TNFRSF19: variants seen among roughly 807,000 people sequenced by gnomAD.
TNFRSF19 encodes the protein TNF receptor superfamily member 19.
TNFRSF19 carries 27 observed loss-of-function variants against 46.4 expected under a neutral mutation model. That is an observed-to-expected ratio of 0.58 (90% CI 0.43 to 0.80). TNFRSF19 has a LOEUF of 0.80. Among genes scored for constraint, TNFRSF19 ranks in the 30% least tolerant of loss-of-function variants. The pLI is 0.00. For synonymous variants in TNFRSF19, 204 were observed against 205.0 expected, an observed-to-expected ratio of 1.00 and a Z score of 0.04; for missense variants, 511 against 530.8, an observed-to-expected ratio of 0.96 and a Z score of 0.37.
At chr13:23,651,323 G>A (rs1477872163) in intron 5 of TNFRSF19, among the ~76,000 whole-genome samples, 1 of 152,090 alleles carries the variant, frequency 6.6e-6, no homozygotes, top group African/African-American at 2.4e-5. Context: ...TCTCATTTTT[G>A]TGCTTATATT....
chr13:23,595,633 A>G (rs1224015217), intron 3 of TNFRSF19, among the ~76,000 whole-genome samples: 2 of 152,238 alleles, frequency 1.3e-5, no homozygotes, highest in East Asian at 3.8e-4. Flanking sequence ...CCTACATTTT[A>G]TTGGTGTCCC....
chr13:23,627,107 A>T (rs1244062562), intron 5 of TNFRSF19, among the ~76,000 whole-genome samples: 1 of 152,104 alleles, frequency 6.6e-6, no homozygotes, highest in Non-Finnish European at 1.5e-5. Context: ...GGCGGCTCAC[A>T]TCCTCACTCT....
intron 5 of TNFRSF19, among the ~76,000 whole-genome samples, chr13:23,635,153 C>T (rs962170803): frequency 1.3e-5 from 2 of 152,000 alleles, no homozygotes; most frequent in South Asian, 4.1e-4. Context: ...AATACTGCCT[C>T]TCCAGGTGAA....
intron 4 of TNFRSF19, among the ~76,000 whole-genome samples, chr13:23,625,498 T>C (rs998861261): frequency 2.8e-4 from 42 of 151,986 alleles, no homozygotes; most frequent in Non-Finnish European, 4.7e-4. Flanking sequence ...CCAGCTATTT[T>C]TTTGTATTTT....
intron 4 of TNFRSF19, among the ~76,000 whole-genome samples, chr13:23,621,165 C>A (rs1019172303): frequency 1.3e-5 from 2 of 152,190 alleles, no homozygotes; most frequent in Admixed American, 1.3e-4. Context: ...CTACCCTCAG[C>A]AGACCCCTTG....
In TNFRSF19 at chr13:23,669,030, C is replaced by G; in HGVS notation, c.1178C>G (p.Thr393Ser). The change falls in exon 9 of 10, where the codon ACT (threonine) becomes AGT (serine). Residue 393 changes from threonine (T) to serine (S), a missense_variant. Thr to Ser is a moderately conservative substitution (Grantham distance 58). Transcript: ENST00000248484. ...VESASTQDAL[T>S]MRSQLDQESG... The stretch of plus-strand genomic sequence containing the variant: ...TCAGCATCAACTCAGGATGCACTAA[C>G]TATGAGAAGCCAGCTAGATCAGGAG... 6.2e-7 allele frequency: 1 copy of G among 1,614,220 alleles called. No homozygotes were observed. Among genetic ancestry groups the G allele is most frequent in the Non-Finnish European group, 8.5e-7 (1 of 1,180,046 alleles).
At chr13:23,626,638 G>A in intron 4 of TNFRSF19, 69 bp from the exon 5 acceptor site, 1 of 1,473,712 alleles carries the variant, frequency 6.8e-7, no homozygotes, top group East Asian at 2.3e-5. Flanking sequence ...GAGACTGCTG[G>A]TAATTTATGA....
intron 8 of TNFRSF19, 92 bp downstream of exon 8, chr13:23,668,174 C>T (rs1246628568): frequency 2.4e-5 from 27 of 1,118,156 alleles, no homozygotes; most frequent in Non-Finnish European, 3.4e-5. Flanking sequence ...ATGATGGAAA[C>T]ATCACCTCTT....
In TNFRSF19 at chr13:23,659,289, A is replaced by C; in HGVS notation, c.610+75A>C. 1 of 1,493,476 alleles carries C rather than the reference A, an allele frequency of 6.7e-7. No homozygotes were observed. The highest frequency in any genetic ancestry group is 9.1e-7 in the Non-Finnish European group (1 of 1,103,664). 92.5% of individuals were successfully genotyped at this position (1,493,476 alleles called of 1,614,324 possible). ...ATTACTATTGTCGTGCAAGTGTTCC[A>C]CAAGAGACTTGGCTGAGACAAGCAC... On this transcript the variant is annotated intron_variant, in intron 6 of 9. Coordinates refer to ENST00000248484, the MANE Select transcript of TNFRSF19 (RefSeq NM_148957.4). The surrounding 1 kb of genome is among the most constrained non-coding windows in gnomAD (Gnocchi z 4.9).
At chr13:23,574,151 C>T (rs1877807948) in intron 1 of TNFRSF19, among the ~76,000 whole-genome samples, 1 of 126,910 alleles carries the variant, frequency 7.9e-6, no homozygotes, top group Admixed American at 7.5e-5. Context: ...AAATACAGGA[C>T]TCTCATGGCC....
At chr13:23,594,706 C>G (rs1879579485) in intron 3 of TNFRSF19, among the ~76,000 whole-genome samples, 1 of 152,222 alleles carries the variant, frequency 6.6e-6, no homozygotes, top group South Asian at 2.1e-4. Flanking sequence ...CTTAAACGTT[C>G]CTGCCTGCCA....
intron 3 of TNFRSF19, among the ~76,000 whole-genome samples, chr13:23,594,813 G>A (rs181962256): frequency 7.2e-5 from 11 of 152,306 alleles, no homozygotes; most frequent in Admixed American, 5.9e-4. Flanking sequence ...CCAGCCTCCC[G>A]ATTGGGAGAC....
chr13:23,656,317 A>G (rs1030243252), intron 5 of TNFRSF19, among the ~76,000 whole-genome samples: 4 of 152,212 alleles, frequency 2.6e-5, no homozygotes, highest in African/African-American at 9.7e-5. Flanking sequence ...TAGAGAACAT[A>G]AATCCTGAGT....
chr13:23,596,340 A>G (rs772465490), intron 3 of TNFRSF19, among the ~76,000 whole-genome samples: 1 of 152,220 alleles, frequency 6.6e-6, no homozygotes, highest in East Asian at 1.9e-4. Context: ...AGTGTGCAGT[A>G]TTCAGGAGAT....
intron 5 of TNFRSF19, among the ~76,000 whole-genome samples, chr13:23,639,112 G>C (rs957082560): frequency 6.6e-6 from 1 of 152,104 alleles, no homozygotes; most frequent in African/African-American, 2.4e-5. Context: ...AAATTTTAAG[G>C]CCAGGTGTGG....
At chr13:23,585,402 G>T (rs1355597017) in intron 1 of TNFRSF19, 2 of 152,038 alleles carry the variant, frequency 1.3e-5, no homozygotes, top group African/African-American at 2.4e-5. Context: ...TCTCAGAAAG[G>T]TTACTGATTA....
chr13:23,579,206 C>G (rs914850319), intron 1 of TNFRSF19, among the ~76,000 whole-genome samples: 1 of 152,202 alleles, frequency 6.6e-6, no homozygotes, highest in Non-Finnish European at 1.5e-5. Context: ...TCCAAAGAAC[C>G]CAGCTGCAGA....
intron 3 of TNFRSF19, among the ~76,000 whole-genome samples, chr13:23,593,969 G>A (rs1372582037): frequency 6.6e-6 from 1 of 152,184 alleles, no homozygotes; most frequent in Admixed American, 6.5e-5. Context: ...AAGCAGGATG[G>A]GGTGTCACTT....
chr13:23,579,290 T>C (rs1878199484), intron 1 of TNFRSF19: 1 of 151,178 alleles, frequency 6.6e-6, no homozygotes, highest in South Asian at 2.1e-4. Flanking sequence ...AGAGCCGCGG[T>C]GAGGGCGGGG....
Sources: allele counts gnomAD v4.1 joint callset (sites outside exome capture counted in the v4.1 genomes callset), GRCh38; gene constraint gnomAD v4.1.1; non-coding constraint Gnocchi (gnomAD v3.1); transcripts MANE v1.5; gene names NCBI Gene and HGNC (gene_info 2026-07-23, HGNC 2026-07-21).